TUSC3: variants seen among roughly 807,000 people sequenced by gnomAD.
The protein encoded by TUSC3 is dolichyl-diphosphooligosaccharide--protein glycosyltransferase subunit TUSC3.
TUSC3 carries 45 observed loss-of-function variants against 44.8 expected under a neutral mutation model. That is an observed-to-expected ratio of 1.00 (90% CI 0.79 to 1.29). TUSC3 has a LOEUF of 1.29. Among genes scored for constraint, TUSC3 ranks in the 50% most tolerant of loss-of-function variants. The pLI is 0.00. For missense variants in TUSC3, 519 were observed against 437.9 expected (o/e 1.19, Z -1.65); for synonymous variants, 212 against 152.9 (o/e 1.39, Z -2.85).
At chr8:15,645,563 A>T (rs1479985047) in intron 2 of TUSC3, among the ~76,000 whole-genome samples, 1 of 152,032 alleles carries the variant, frequency 6.6e-6, no homozygotes, top group Admixed American at 6.5e-5. Context: ...GTGCTTATCT[A>T]TTCTTTAACC....
At chr8:15,678,783 C>T (rs1364125493) in intron 6 of TUSC3, among the ~76,000 whole-genome samples, 2 of 152,170 alleles carry the variant, frequency 1.3e-5, no homozygotes, top group African/African-American at 4.8e-5. Context: ...CCTTCCCTCA[C>T]TCCCTCTTTT....
chr8:15,661,350 G>A (rs188891510), intron 4 of TUSC3, among the ~76,000 whole-genome samples: 15 of 151,888 alleles, frequency 9.9e-5, no homozygotes, highest in African/African-American at 3.6e-4. Context: ...CTTTTAATCC[G>A]GAATATTTCT....
At chr8:15,660,880 C>A (rs544966833) in intron 4 of TUSC3, among the ~76,000 whole-genome samples, 1 of 142,528 alleles carries the variant, frequency 7.0e-6, no homozygotes. Flanking sequence ...GCAGACTTTA[C>A]GCATTTAGTC....
Position 15,527,287 on chromosome 8 carries a change from G to C in TUSC3, n.189+43804G>C, listed in dbSNP as rs191845654. On this transcript the variant is annotated intron_variant and non_coding_transcript_variant, in intron 2 of 5. Transcript: ENST00000503191. ...GCTGGAGTATAGTGGAACAATCTTG[G>C]CTCACTACAACCTCCGCCTCCCAGG... 4.7e-4 allele frequency among the ~76,000 whole-genome samples: 72 copies of C among 152,196 alleles called. 1 individual carries two copies. The East Asian group carries it at 0.013, about 28-fold the overall frequency.
chr8:15,598,198 A>C (rs1804146521), intron 1 of TUSC3, among the ~76,000 whole-genome samples: 1 of 151,764 alleles, frequency 6.6e-6, no homozygotes, highest in Non-Finnish European at 1.5e-5. Flanking sequence ...CTGTCCTTGC[A>C]CTCCATCCAA....
chr8:15,783,485 T>C, the TUSC3 span, among the ~76,000 whole-genome samples: 6 of 152,232 alleles, frequency 3.9e-5, no homozygotes, highest in South Asian at 1.2e-3. Context: ...ATTACAAAGC[T>C]ATGGTATTCA....
chr8:15,598,423 TGTG>T (rs912604546), intron 1 of TUSC3, among the ~76,000 whole-genome samples: 1 of 151,946 alleles, frequency 6.6e-6, no homozygotes, highest in Non-Finnish European at 1.5e-5. Flanking sequence ...TTCCTACCAA[TGTG>T]GTACATTTGT....
At chr8:15,590,328 T>G (rs1563306947) in intron 1 of TUSC3, among the ~76,000 whole-genome samples, 2 of 152,220 alleles carry the variant, frequency 1.3e-5, no homozygotes, top group Non-Finnish European at 2.9e-5. Context: ...AAAGACAGTT[T>G]ATGGCAAAGT....
At chr8:15,639,268 G>C (rs112883247) in intron 2 of TUSC3, among the ~76,000 whole-genome samples, 102 of 151,818 alleles carry the variant, frequency 6.7e-4, no homozygotes, top group Middle Eastern at 3.4e-3. Flanking sequence ...GTCGATGCTA[G>C]ATCACATGAT....
intron 1 of TUSC3, among the ~76,000 whole-genome samples, chr8:15,421,716 TG>T (rs1380485598): frequency 6.6e-6 from 1 of 152,090 alleles, no homozygotes; most frequent in Non-Finnish European, 1.5e-5. Context: ...TATTCATGCA[TG>T]AATGAAATAG....
chr8:15,417,890 A>AGGAAG (rs1254407367), intron 1 of TUSC3, among the ~76,000 whole-genome samples: 1 of 152,198 alleles, frequency 6.6e-6, no homozygotes, highest in Non-Finnish European at 1.5e-5. Flanking sequence ...AGTCAAGGAA[A>AGGAAG]GGAAGGAAGG....
intron 1 of TUSC3, among the ~76,000 whole-genome samples, chr8:15,440,581 G>T (rs754622309): frequency 1.3e-5 from 2 of 152,122 alleles, no homozygotes; most frequent in African/African-American, 2.4e-5. Flanking sequence ...AAGAAATTGA[G>T]GCATAGCATC....
In TUSC3 at chr8:15,765,770, T is replaced by C. The variant is rs1406375899; in HGVS notation, c.*1614T>C. The C allele has an allele frequency of 2.6e-5, 4 of 152,176 alleles. No homozygotes were observed. In the East Asian group the frequency reaches 7.7e-4, roughly 29 times the overall value. The allele number at this position is 152,176 out of a possible 1,614,324, so 9.4% of individuals were successfully genotyped here. ...GAAAAGCAATAGATGAACTTAATCA[T>C]TTGATCACTGCCTATCACTAGGCAG... On this transcript the variant is annotated 3_prime_UTR_variant, in exon 11 of 11. Transcript: ENST00000503731.
At chr8:15,642,558 A>G (rs1039260848) in intron 2 of TUSC3, among the ~76,000 whole-genome samples, 2 of 152,142 alleles carry the variant, frequency 1.3e-5, no homozygotes, top group African/African-American at 2.4e-5. Context: ...TCATTACAAT[A>G]AAGGTCTTTA....
rs764436372 is a variant in TUSC3, at chr8:15,748,425, C to CT, written c.991dup (p.Ser331PhefsTer13). ...GGTGGTCTTCTTCTTCAGTTTTCTACTTTCAATATTTCGTTCCAAGTACCA... is the reference window on the plus strand; with the variant it reads ...GGTGGTCTTCTTCTTCAGTTTTCTACTTTTCAATATTTCGTTCCAAGTACCA... On this transcript the variant is annotated frameshift_variant, in exon 9 of 11. Transcript: ENST00000503731. LOFTEE classifies it high-confidence loss of function. 15 of 1,613,432 alleles carry CT rather than the reference C, an allele frequency of 9.3e-6. No homozygotes were observed. Among genetic ancestry groups the CT allele is most frequent in the Non-Finnish European group, 1.3e-5 (15 of 1,179,544 alleles).
intron 1 of TUSC3, among the ~76,000 whole-genome samples, chr8:15,565,049 A>G (rs999187030): frequency 6.6e-6 from 1 of 152,176 alleles, no homozygotes; most frequent in African/African-American, 2.4e-5. Context: ...TTAGAGGCTT[A>G]AAACAACAGC....
chr8:15,826,968 AT>A, the TUSC3 span, among the ~76,000 whole-genome samples: 1 of 152,160 alleles, frequency 6.6e-6, no homozygotes, highest in Non-Finnish European at 1.5e-5. Context: ...ACTGAATTTG[AT>A]TGCTGCAGAG....
At chr8:15,582,386 C>G (rs1030498962) in intron 1 of TUSC3, among the ~76,000 whole-genome samples, 4 of 152,194 alleles carry the variant, frequency 2.6e-5, no homozygotes, top group African/African-American at 7.2e-5. Context: ...TTAAACCAAT[C>G]TTTTATGAAT....
chr8:15,787,909 G>A, the TUSC3 span, among the ~76,000 whole-genome samples: 1 of 152,192 alleles, frequency 6.6e-6, no homozygotes, highest in Non-Finnish European at 1.5e-5. Context: ...ACTACTTGGA[G>A]AGATGAATGA....
Sources: gnomAD v4.1 joint callset for allele counts (sites outside exome capture counted in the v4.1 genomes callset) on GRCh38, gnomAD v4.1.1 for gene constraint, MANE v1.5 for transcripts, NCBI Gene and HGNC (gene_info 2026-07-23, HGNC 2026-07-21) for gene names.